PHACTR3: variants seen among roughly 807,000 people sequenced by gnomAD.
PHACTR3 encodes the protein protein phosphatase 1, regulatory subunit 123.
Under a neutral mutation model 66.8 loss-of-function variants are expected in PHACTR3, and 16 were observed. The observed-to-expected ratio is 0.24, with a 90% confidence interval of 0.16 to 0.36. The LOEUF is 0.36. Among genes scored for constraint, PHACTR3 ranks in the 10% least tolerant of loss-of-function variants. PHACTR3 has a pLI of 1.00. For synonymous variants in PHACTR3, 323 were observed against 292.1 expected (o/e 1.11, Z -1.08); for missense variants, 647 against 719.9 (o/e 0.90, Z 1.16).
intron 8 of PHACTR3, among the ~76,000 whole-genome samples, chr20:59,831,127 G>A (rs867510713): frequency 5.3e-5 from 8 of 152,292 alleles, no homozygotes; most frequent in Middle Eastern, 6.8e-3. Context: ...AGAGGCACTC[G>A]GAACCAGGAA....
chr20:59,684,695 C>T (rs1375045060), intron 1 of PHACTR3, among the ~76,000 whole-genome samples: 4 of 152,206 alleles, frequency 2.6e-5, no homozygotes, highest in Non-Finnish European at 4.4e-5. Flanking sequence ...AATCCGGAAG[C>T]GCCTGATGCC....
intron 1 of PHACTR3, among the ~76,000 whole-genome samples, chr20:59,598,072 C>T (rs1049907665): frequency 6.6e-5 from 10 of 152,156 alleles, no homozygotes; most frequent in Admixed American, 6.5e-4. Context: ...TGACAACATA[C>T]AAGATGGGTC....
chr20:59,607,119 G>A (rs1440502228), intron 1 of PHACTR3, among the ~76,000 whole-genome samples: 9 of 152,134 alleles, frequency 5.9e-5, no homozygotes, highest in Admixed American at 5.9e-4. Context: ...GTGTGTGCCT[G>A]CATACTTCTT....
chr20:59,631,920 TG>T (rs1211056394), intron 1 of PHACTR3, among the ~76,000 whole-genome samples: 3 of 152,070 alleles, frequency 2.0e-5, no homozygotes, highest in Admixed American at 1.3e-4. Flanking sequence ...CCCTGTAGAG[TG>T]GCATCTGGCC....
At chr20:59,617,508 G>A (rs952556086) in intron 1 of PHACTR3, among the ~76,000 whole-genome samples, 2 of 151,278 alleles carry the variant, frequency 1.3e-5, no homozygotes, top group South Asian at 4.2e-4. Context: ...TTAGTGTAGA[G>A]CAGCTATTTT....
rs776036475 is a variant in PHACTR3, at chr20:59,755,331, C to T, written c.508C>T (p.Pro170Ser). 1 of 1,613,520 alleles carries T rather than the reference C, an allele frequency of 6.2e-7. No homozygotes were observed. Among genetic ancestry groups the T allele is most frequent in the Non-Finnish European group, 8.5e-7 (1 of 1,180,008 alleles). ...TGTDQVSLDK[P>S]LSSAAHLDDA... Reference sequence around the variant, plus strand: ...GACGGACCAGGTCTCCCTGGACAAGCCACTGTCCTCAGCTGCCCACTTGGA... The same window carrying T: ...GACGGACCAGGTCTCCCTGGACAAGTCACTGTCCTCAGCTGCCCACTTGGA... Residue 170 changes from proline (P) to serine (S), a missense_variant, in exon 4 of 13, where the codon CCA (proline) becomes TCA (serine). Around this residue, in one of 2 missense-constraint regions of PHACTR3, gnomAD observed 577 missense variants for 571.1 expected, o/e 1.01. Coordinates refer to ENST00000371015, the MANE Select transcript of PHACTR3 (RefSeq NM_080672.5).
chr20:59,588,580 G>A (rs1167964198), intron 1 of PHACTR3, among the ~76,000 whole-genome samples: 1 of 152,190 alleles, frequency 6.6e-6, no homozygotes, highest in Non-Finnish European at 1.5e-5. Flanking sequence ...TGGGGCAAGA[G>A]GCCCTTTGAG....
At chr20:59,813,205 ACCTTCCC>A (rs68119819) in intron 8 of PHACTR3, among the ~76,000 whole-genome samples, 8,817 of 152,036 alleles carry the variant, frequency 0.058, 864 homozygotes, top group African/African-American at 0.2. Context: ...GGATCTTACT[ACCTTCCC>A]CAAGACCCTC....
At chr20:59,756,634 C>T (rs971779132) in intron 4 of PHACTR3, among the ~76,000 whole-genome samples, 4 of 151,704 alleles carry the variant, frequency 2.6e-5, no homozygotes, top group Admixed American at 1.3e-4. Context: ...ACACACAGGT[C>T]TCTGTGTGCC....
At chr20:59,646,128 G>A (rs1034470580) in intron 1 of PHACTR3, among the ~76,000 whole-genome samples, 12 of 152,206 alleles carry the variant, frequency 7.9e-5, no homozygotes, top group Admixed American at 6.5e-4. Context: ...CCCTGGGGAT[G>A]TCTGAGGGAG....
intron 7 of PHACTR3, among the ~76,000 whole-genome samples, chr20:59,805,608 G>A (rs1475476238): frequency 6.6e-6 from 1 of 152,162 alleles, no homozygotes; most frequent in Non-Finnish European, 1.5e-5. Context: ...TGAAGGAAGA[G>A]CCATGTGGCT....
intron 1 of PHACTR3, among the ~76,000 whole-genome samples, chr20:59,682,873 G>C (rs1439036587): frequency 6.6e-6 from 1 of 152,182 alleles, no homozygotes; most frequent in African/African-American, 2.4e-5. Flanking sequence ...GGACATTGTA[G>C]GGAGGGGCCT....
chr20:59,705,246 C>T (rs2037659447), intron 1 of PHACTR3, among the ~76,000 whole-genome samples: 1 of 152,198 alleles, frequency 6.6e-6, no homozygotes, highest in South Asian at 2.1e-4. Flanking sequence ...GCATGAGCCA[C>T]CACTCCTGGC....
intron 1 of PHACTR3, among the ~76,000 whole-genome samples, chr20:59,610,439 T>C (rs990023384): frequency 3.3e-5 from 5 of 152,250 alleles, no homozygotes; most frequent in African/African-American, 9.6e-5. Flanking sequence ...TTCCTCATGG[T>C]CACAGGAACC....
Position 59,773,368 on chromosome 20 carries a change from C to T in PHACTR3, c.841C>T (p.Leu281Phe). ...QLSTPTGSPHLTTVHRPLPPS... is the reference protein window; with the variant it reads ...QLSTPTGSPHFTTVHRPLPPS... The stretch of plus-strand genomic sequence containing the variant: ...CTCCACACCCACGGGGTCTCCGCAT[C>T]TCACCACGGTCCACCGGCCTCTTCC... Residue 281 changes from leucine (L) to phenylalanine (F), a missense_variant, in exon 6 of 13, where the codon CTC becomes TTC. Physicochemically the swap from Leu to Phe is conservative, Grantham distance 22. Around this residue, in one of 2 missense-constraint regions of PHACTR3, gnomAD observed 577 missense variants for 571.1 expected, o/e 1.01. Transcript: ENST00000371015. The T allele has an allele frequency of 1.9e-6, 3 of 1,614,186 alleles. No individual in the cohort carries two copies. Among genetic ancestry groups the T allele is most frequent in the South Asian group, 1.1e-5 (1 of 91,084 alleles).
At chr20:59,802,567 C>G (rs917723819) in intron 7 of PHACTR3, among the ~76,000 whole-genome samples, 2 of 152,246 alleles carry the variant, frequency 1.3e-5, no homozygotes, top group East Asian at 1.9e-4. Flanking sequence ...CTGATGAGAC[C>G]GGGGCTAGGG....
chr20:59,721,533 G>GT (rs2038299210), intron 1 of PHACTR3: 1 of 152,324 alleles, frequency 6.6e-6, no homozygotes, highest in African/African-American at 2.4e-5. Context: ...GAAGAAAAGT[G>GT]TAAGTTGTTA....
chr20:59,644,688 G>A (rs1022692640), intron 1 of PHACTR3, among the ~76,000 whole-genome samples: 1 of 152,134 alleles, frequency 6.6e-6, no homozygotes, highest in African/African-American at 2.4e-5. Context: ...ATTTGCCCTG[G>A]TGTCCCAGGT....
intron 3 of PHACTR3, 51 bp from the exon 4 acceptor site, chr20:59,755,131 G>T (rs2039737531): frequency 1.6e-5 from 25 of 1,566,782 alleles, no homozygotes; most frequent in Non-Finnish European, 2.0e-5. Flanking sequence ...ACGACGGAAG[G>T]GATGAAGGAA....
Sources: gnomAD v4.1 joint callset for allele counts (sites outside exome capture counted in the v4.1 genomes callset) on GRCh38, gnomAD v4.1.1 for gene constraint, gnomAD v4.1.1 regional missense constraint, MANE v1.5 for transcripts, NCBI Gene and HGNC (gene_info 2026-07-23, HGNC 2026-07-21) for gene names.